OGN: variants seen among roughly 807,000 people sequenced by gnomAD.
OGN encodes the protein mimecan.
Under a neutral mutation model 30.8 loss-of-function variants are expected in OGN, and 19 were observed. The observed-to-expected ratio is 0.62, with a 90% CI of 0.43 to 0.90. The LOEUF is 0.90. OGN is among the 40% of genes least tolerant of loss of function. The probability of loss-of-function intolerance (pLI) is 0.00; values close to 1 mark genes in which losing one functional copy is unlikely to be tolerated. For synonymous variants in OGN, 126 were observed against 128.3 expected (o/e 0.98, Z 0.12); for missense variants, 283 against 349.7 (o/e 0.81, Z 1.52).
At position 92,385,758 on chromosome 9, in the gene OGN, T is replaced by C; in HGVS notation, c.759A>G (p.Thr253=). ...AACTGGTGTCATTAGCCTTGCAGAATGTGTCATCTGTAATTGAAGCTATGT... is the reference window on the plus strand; with the variant it reads ...AACTGGTGTCATTAGCCTTGCAGAACGTGTCATCTGTAATTGAAGCTATGT... ...FNNIASITDD[T]FCKANDTSYI... The change falls in exon 7 of 7, where the codon ACA becomes ACG. Residue 253 remains threonine, a synonymous_variant. Coordinates refer to ENST00000375561, the MANE Select transcript of OGN (RefSeq NM_014057.5). 2 of 1,614,136 alleles carry C rather than the reference T, an allele frequency of 1.2e-6. No individual in the cohort carries two copies. The highest frequency in any genetic ancestry group is 1.7e-6 in the Non-Finnish European group (2 of 1,179,996).
At chr9:92,386,085 C>A in intron 6 of OGN, 116 bp downstream of exon 6, 1 of 743,172 alleles carries the variant, frequency 1.3e-6, no homozygotes, top group Non-Finnish European at 2.3e-6. Context: ...TTAGCTATCA[C>A]GCTACTACAG....
chr9:92,394,666 G>A (rs565310756), intron 3 of OGN, among the ~76,000 whole-genome samples: 1 of 152,008 alleles, frequency 6.6e-6, no homozygotes, highest in East Asian at 1.9e-4. Flanking sequence ...GTGCAGTGGT[G>A]TGATCTCGGC....
intron 2 of OGN, among the ~76,000 whole-genome samples, chr9:92,402,535 A>G (rs1383060818): frequency 6.6e-6 from 1 of 152,182 alleles, no homozygotes; most frequent in Non-Finnish European, 1.5e-5. Context: ...CTTACCCAGC[A>G]TTCATTTCTG....
chr9:92,393,063 TATC>T lies in OGN; in HGVS notation c.427+20_427+22del, dbSNP rs1564295085. ...AAATACTAATACGAGTTAATACTAA[TATC>T]ATATTTCAGCTTAACTTACGTATGT... On this transcript the variant is annotated intron_variant, in intron 4 of 6. Transcript: ENST00000375561. 2 of 1,597,414 alleles carry T rather than the reference TATC, an allele frequency of 1.3e-6. No individual in the cohort carries two copies. Among genetic ancestry groups the T allele is most frequent in the Non-Finnish European group, 1.7e-6 (2 of 1,166,990 alleles).
intron 3 of OGN, among the ~76,000 whole-genome samples, chr9:92,397,810 G>C (rs902828483): frequency 2.8e-4 from 42 of 152,108 alleles, no homozygotes; most frequent in African/African-American, 9.2e-4. Flanking sequence ...AACATATACG[G>C]ATATAAACAT....
chr9:92,400,902 CT>C (rs1448191095), intron 3 of OGN, among the ~76,000 whole-genome samples, 189 bp downstream of exon 3: 1 of 152,182 alleles, frequency 6.6e-6, no homozygotes, highest in Non-Finnish European at 1.5e-5. Context: ...CAAGTTCTTG[CT>C]CCACATTTCT....
Position 92,393,143 on chromosome 9 carries a change from G to A in OGN, c.370C>T (p.Leu124Phe), listed in dbSNP as rs773207951. The A allele has an allele frequency of 7.4e-6, 12 of 1,613,802 alleles. No homozygotes were observed. The South Asian group carries it at 8.8e-5, about 12-fold the overall frequency. ...TTAATTTTGTTGAATCGTGCGTAAA[G>A]ATAGGCTGATTCCTTTGGTAAGGGT... The part of the protein sequence containing the change: ...VPPLPKESAY[L>F]YARFNKIKKL... The change falls in exon 4 of 7, where the codon CTT (leucine) becomes TTT (phenylalanine). Residue 124 changes from leucine to phenylalanine, a missense_variant. Transcript: ENST00000375561.
At position 92,403,481 on chromosome 9, in the gene OGN, C is replaced by G; in HGVS notation, c.-74G>C. On this transcript the variant is annotated splice_region_variant and 5_prime_UTR_variant, in exon 2 of 7. Transcript: ENST00000375561. ...GACTGTGGGACAAAACTCTCTTTTT[C>G]CCTGGAAATAAAAATTCAGACCATC... The G allele has an allele frequency of 3.3e-6, 5 of 1,507,890 alleles. No homozygotes were observed. The South Asian group carries it at 5.6e-5, about 17-fold the overall frequency. The allele number at this position is 1,507,890 out of a possible 1,614,324, so 93.4% of individuals were successfully genotyped here.
chr9:92,403,111 G>C, intron 2 of OGN, 123 bp downstream of exon 2: 3 of 606,198 alleles, frequency 4.9e-6, no homozygotes, highest in Non-Finnish European at 8.4e-6. Context: ...TTATGAATTC[G>C]TTTGAATCAT....
rs1011260771 is a variant in OGN at position 92,385,506 on chromosome 9, C to G, written c.*114G>C. 3.4e-6 allele frequency: 3 copies of G among 892,304 alleles called. No individual in the cohort carries two copies. The highest frequency in any genetic ancestry group is 5.1e-6 in the Non-Finnish European group (3 of 591,458). The allele number at this position is 892,304 out of a possible 1,614,324, so 55.3% of individuals were successfully genotyped here. ...CATCCTTGCTTAAAATATTAAATTC[C>G]TTCAAAATGAGATACAAGGTTAATA... On this transcript the variant is annotated 3_prime_UTR_variant, in exon 7 of 7. Coordinates refer to ENST00000375561, the MANE Select transcript of OGN (RefSeq NM_014057.5).
In OGN at chr9:92,386,004, T is replaced by C. The variant is rs142519348; in HGVS notation, c.726+197A>G. 1.4e-4 allele frequency among the ~76,000 whole-genome samples: 21 copies of C among 152,338 alleles called. No homozygotes were observed. The East Asian group carries it at 4.0e-3, about 29-fold the overall frequency. The stretch of plus-strand genomic sequence containing the variant: ...TACTGTGCTGGTCTACTTGTTATGC[T>C]CTGGATGGAATCTGGACTTCTGGGA... On this transcript the variant is annotated intron_variant, in intron 6 of 6. Coordinates refer to ENST00000375561, the MANE Select transcript of OGN (RefSeq NM_014057.5).
chr9:92,401,219 C>T (rs751184780), intron 2 of OGN, 34 bp from the exon 3 acceptor site: 6 of 919,606 alleles, frequency 6.5e-6, no homozygotes, highest in Non-Finnish European at 1.1e-5. Context: ...TACCTAGCTT[C>T]ATTAAGTCTG....
chr9:92,391,416 A>ATAAAT (rs533070387), intron 4 of OGN, among the ~76,000 whole-genome samples: 16 of 151,866 alleles, frequency 1.1e-4, no homozygotes, highest in South Asian at 2.1e-4. Context: ...CAAAAAATAA[A>ATAAAT]TAAATTAAAT....
chr9:92,396,570 T>A (rs1390924767), intron 3 of OGN, among the ~76,000 whole-genome samples: 1 of 2,226 alleles, frequency 4.5e-4, no homozygotes, highest in East Asian at 0.028. Flanking sequence ...ATACCTTTAT[T>A]TTTTTTTTTT....
chr9:92,388,010 C>T (rs111236820), intron 5 of OGN, among the ~76,000 whole-genome samples: 31 of 151,494 alleles, frequency 2.0e-4, no homozygotes, highest in African/African-American at 5.8e-4. Context: ...GCAATCTGCC[C>T]GCCTTGGCCT....
At chr9:92,397,735 G>C (rs937999507) in intron 3 of OGN, among the ~76,000 whole-genome samples, 1 of 152,212 alleles carries the variant, frequency 6.6e-6, no homozygotes, top group African/African-American at 2.4e-5. Context: ...TTTCAGCAGA[G>C]AGAGCTAGGA....
At chr9:92,386,667 C>T (rs1436252084) in intron 5 of OGN, among the ~76,000 whole-genome samples, 1 of 152,132 alleles carries the variant, frequency 6.6e-6, no homozygotes, top group Non-Finnish European at 1.5e-5. Flanking sequence ...CTGGTGCTGC[C>T]ATAACCTCTC....
At chr9:92,395,324 C>G (rs1321672880) in intron 3 of OGN, among the ~76,000 whole-genome samples, 3 of 152,154 alleles carry the variant, frequency 2.0e-5, no homozygotes, top group African/African-American at 7.2e-5. Context: ...TTCTTTTACT[C>G]AGCATTATTA....
In OGN at chr9:92,385,679, C is replaced by T; in HGVS notation, c.838G>A (p.Gly280Arg). The T allele has an allele frequency of 6.2e-7, 1 of 1,614,048 alleles. No individual in the cohort carries two copies. Among genetic ancestry groups the T allele is most frequent in the Non-Finnish European group, 8.5e-7 (1 of 1,179,990 alleles). ...CAAATAAAACTGTTTGGATGCTTTC[C>T]CAGGACGATTGGATTGCCCTCCAGG... is the stretch of plus-strand genomic sequence containing the variant. ...IRLEGNPIVL[G>R]KHPNSFICLK... is the part of the protein sequence containing the mutation. The change falls in exon 7 of 7, where the codon GGA becomes AGA. Residue 280 changes from glycine to arginine, a missense_variant. Coordinates refer to ENST00000375561, the MANE Select transcript of OGN (RefSeq NM_014057.5).
Sources: allele counts gnomAD v4.1 joint callset (sites outside exome capture counted in the v4.1 genomes callset), GRCh38; gene constraint gnomAD v4.1.1; transcripts MANE v1.5; gene names NCBI Gene and HGNC (gene_info 2026-07-23, HGNC 2026-07-21).